Variants in MYO1F observed in about 807,000 individuals in gnomAD.
The protein encoded by MYO1F is unconventional myosin-If.
Under a neutral mutation model 146.6 loss-of-function variants are expected in MYO1F, and 60 were observed. The observed-to-expected ratio is 0.41, with a 90% CI of 0.33 to 0.51. The LOEUF is 0.51. MYO1F is among the 20% of genes least tolerant of loss of function. The pLI, the probability that MYO1F is intolerant of heterozygous loss-of-function variation, is 0.25. For missense variants in MYO1F, 1,274 were observed against 1,534.3 expected (o/e 0.83, Z 2.83); for synonymous variants, 602 against 602.1 (o/e 1.00, Z 0.00).
intron 1 of MYO1F, among the ~76,000 whole-genome samples, chr19:8,573,377 G>A (rs1302360921): frequency 3.3e-5 from 5 of 151,552 alleles, no homozygotes; most frequent in Non-Finnish European, 7.4e-5. Context: ...AAGGCAACCA[G>A]TGAACGTCTT....
chr19:8,548,533 A>G (rs1257677542), intron 10 of MYO1F, among the ~76,000 whole-genome samples: 1 of 151,678 alleles, frequency 6.6e-6, no homozygotes, highest in African/African-American at 2.4e-5. Context: ...GTGTCAGTGT[A>G]TCAGGGTCCC....
chr19:8,550,626 G>C lies in MYO1F; in HGVS notation c.840C>G (p.Ile280Met), dbSNP rs1973564187. ...QQLVLQLVAG[I>M]LHLGNISFCE... ...AGAAACTGATGTTCCCCAGGTGCAA[G>C]ATCCCCGCCACGAGCTGCAGGACCA... Residue 280 changes from isoleucine to methionine, a missense_variant, in exon 9 of 28, where the codon ATC (isoleucine) becomes ATG (methionine). Physicochemically the swap from Ile to Met is conservative, Grantham distance 10 (BLOSUM62 1). Coordinates refer to ENST00000644032, the MANE Select transcript of MYO1F (RefSeq NM_012335.4). 6.2e-7 allele frequency: 1 copy of C among 1,614,010 alleles called. No individual in the cohort carries two copies. The highest frequency in any genetic ancestry group is 1.3e-5 in the African/African-American group (1 of 74,920).
chr19:8,564,566 C>T (rs1318495670), intron 1 of MYO1F, among the ~76,000 whole-genome samples: 3 of 151,876 alleles, frequency 2.0e-5, no homozygotes, highest in African/African-American at 7.3e-5. Flanking sequence ...GCAGGGGAGG[C>T]CCAGATGGGA....
Position 8,553,894 on chromosome 19 carries a change from A to ACACACTCTCTCTCTCT in MYO1F, c.327-458_327-457insAGAGAGAGAGAGTGTG. On this transcript the variant is annotated intron_variant, in intron 4 of 27. Transcript: ENST00000644032. ...CACACACACACACACACACACACAC[A>ACACACTCTCTCTCTCT]CTCTCTCTCTCTCTCTCTCTCTCTC... 1.6e-3 allele frequency among the ~76,000 whole-genome samples: 163 copies of ACACACTCTCTCTCTCT among 102,654 alleles called. 2 individuals are homozygous for ACACACTCTCTCTCTCT. The highest frequency in any genetic ancestry group is 1.2e-3 in the Admixed American group (11 of 9,380). 67.3% of individuals were successfully genotyped at this position (102,654 alleles called of 152,430 possible). A position where few individuals can be genotyped will look rare whatever the true frequency, so the allele number is the denominator to read the frequency against.
At chr19:8,556,609 C>T (rs986493837) in intron 1 of MYO1F, among the ~76,000 whole-genome samples, 4 of 151,886 alleles carry the variant, frequency 2.6e-5, no homozygotes, top group African/African-American at 9.7e-5. Flanking sequence ...AATCTGGGGC[C>T]GGGCACAGTG....
Position 8,525,459 on chromosome 19 carries a change from C to G in MYO1F, c.2854+20G>C. The G allele has an allele frequency of 6.2e-7, 1 of 1,607,440 alleles. No individual in the cohort carries two copies. The highest frequency in any genetic ancestry group is 8.5e-7 in the Non-Finnish European group (1 of 1,175,076). On this transcript the variant is annotated intron_variant, in intron 25 of 27. Transcript: ENST00000644032. ...ACCCACAACAGACAAGGGAATATAG[C>G]AAGGGACGCAGCTCCTCACCTCTGG...
In MYO1F at chr19:8,530,950, A is replaced by T. The variant is rs1431405266; in HGVS notation, c.2044-377T>A. 6.6e-6 allele frequency among the ~76,000 whole-genome samples: 1 copy of T among 152,190 alleles called. No individual in the cohort carries two copies. The highest frequency in any genetic ancestry group is 2.4e-5 in the African/African-American group (1 of 41,460). ...TCCCAGCTACTCGGGAGCCTGAGGCAGGAGAATCACTTGAACCCGGGAGGC... is the reference window on the plus strand; with the variant it reads ...TCCCAGCTACTCGGGAGCCTGAGGCTGGAGAATCACTTGAACCCGGGAGGC... On this transcript the variant is annotated intron_variant, in intron 19 of 27. Coordinates refer to ENST00000644032, the MANE Select transcript of MYO1F (RefSeq NM_012335.4). The surrounding 1 kb of genome is among the most constrained non-coding windows in gnomAD (Gnocchi z 5.8).
At chr19:8,525,667 G>A (rs1972237329) in intron 24 of MYO1F, 105 bp from the exon 25 acceptor site, 2 of 945,552 alleles carry the variant, frequency 2.1e-6, no homozygotes, top group African/African-American at 1.6e-5. Flanking sequence ...GCCCCCTCAG[G>A]CTCTCCCATT....
chr19:8,556,131 C>A (rs1973844012), intron 1 of MYO1F, among the ~76,000 whole-genome samples: 1 of 151,548 alleles, frequency 6.6e-6, no homozygotes, highest in African/African-American at 2.4e-5. Context: ...CGGGTTCAAG[C>A]GATTCTCCTG....
At chr19:8,540,124 A>G in intron 15 of MYO1F, 96 bp from the exon 16 acceptor site, 1 of 899,750 alleles carries the variant, frequency 1.1e-6, no homozygotes, top group South Asian at 1.6e-5. Flanking sequence ...CGCAACGCAA[A>G]ATATGGTTCT....
In MYO1F at chr19:8,536,385, A is replaced by G. The variant is rs1219580903; in HGVS notation, c.1910T>C (p.Leu637Pro). ...FAKFLQRYAI[L>P]TPETWPRWRG... Reference sequence around the variant, plus strand: ...CCACCGCGGCCACGTCTCGGGGGTCAGAATGGCATACCTGAGGGCGGAGGG... The same window carrying G: ...CCACCGCGGCCACGTCTCGGGGGTCGGAATGGCATACCTGAGGGCGGAGGG... Residue 637 changes from leucine (L) to proline (P), a missense_variant, in exon 19 of 28, where the codon CTG (leucine) becomes CCG (proline). Leu to Pro is a moderately conservative substitution (Grantham distance 98, BLOSUM62 -3). Around this residue, in one of 2 missense-constraint regions of MYO1F, gnomAD observed 900 missense variants for 1,155.1 expected, o/e 0.78. Transcript: ENST00000644032. 1.9e-6 allele frequency: 3 copies of G among 1,605,530 alleles called. No individual in the cohort carries two copies. Among genetic ancestry groups the G allele is most frequent in the Non-Finnish European group, 2.5e-6 (3 of 1,179,580 alleles).
At chr19:8,567,142 A>G (rs2042020170) in intron 1 of MYO1F, among the ~76,000 whole-genome samples, 1 of 150,280 alleles carries the variant, frequency 6.7e-6, no homozygotes, top group Non-Finnish European at 1.5e-5. Context: ...GCTTACTGCA[A>G]CCTCCGTCTC....
intron 10 of MYO1F, chr19:8,549,943 C>T (rs1404143258): frequency 1.6e-6 from 1 of 622,448 alleles, no homozygotes; most frequent in African/African-American, 1.8e-5. Flanking sequence ...CAGAACTACA[C>T]ATGCACACCA....
chr19:8,525,293 T>C (rs765342955), intron 25 of MYO1F, 186 bp downstream of exon 25: 7 of 595,532 alleles, frequency 1.2e-5, no homozygotes, highest in Non-Finnish European at 2.1e-5. Flanking sequence ...GGTTTGGGTT[T>C]TGAAGGGCTC....
In MYO1F at chr19:8,531,951, C is replaced by A. The variant is rs191436386; in HGVS notation, c.2044-1378G>T. Among the ~76,000 whole-genome samples, 292 of 152,210 alleles carry A rather than the reference C, an allele frequency of 1.9e-3. 1 individual carries two copies. Among genetic ancestry groups the A allele is most frequent in the Non-Finnish European group, 2.7e-3 (187 of 68,002 alleles). ...TGGCCAACATGGTGAAACCCCGTCT[C>A]TACTAATAATACAAAAGTTAGCCGG... On this transcript the variant is annotated intron_variant, in intron 19 of 27. Coordinates refer to ENST00000644032, the MANE Select transcript of MYO1F (RefSeq NM_012335.4).
At chr19:8,531,052 C>T (rs531321104) in intron 19 of MYO1F, among the ~76,000 whole-genome samples, 44 of 146,810 alleles carry the variant, frequency 3.0e-4, no homozygotes, top group African/African-American at 1.1e-3. Context: ...CTCAAAAAGA[C>T]AAAAAACAAA....
Position 8,541,652 on chromosome 19 carries a change from C to T in MYO1F, c.1610+254G>A, listed in dbSNP as rs1972976139. On this transcript the variant is annotated intron_variant, in intron 15 of 27. Transcript: ENST00000644032. ...CCATGTTGCCCAGGCTGGTCTCAAA[C>T]TCTTGGCCTCAAGAGATTTGTCCAC... 1.2e-5 allele frequency: 6 copies of T among 509,850 alleles called. No homozygotes were observed. In the Admixed American group the frequency reaches 1.9e-4, roughly 16 times the overall value. The allele number at this position is 509,850 out of a possible 1,614,324, so 31.6% of individuals were successfully genotyped here.
At chr19:8,528,728 A>C (rs1972365711) in intron 21 of MYO1F, among the ~76,000 whole-genome samples, 1 of 152,152 alleles carries the variant, frequency 6.6e-6, no homozygotes, top group Non-Finnish European at 1.5e-5. Flanking sequence ...GACCAGGTGA[A>C]AGTACTTGGG....
At chr19:8,553,521 C>T in intron 4 of MYO1F, 84 bp from the exon 5 acceptor site, 2 of 1,076,716 alleles carry the variant, frequency 1.9e-6, no homozygotes, top group Non-Finnish European at 2.9e-6. Context: ...TGAGCACCTA[C>T]TGTGTGCCTG....
Sources: gnomAD v4.1 joint callset for allele counts (sites outside exome capture counted in the v4.1 genomes callset) on GRCh38, gnomAD v4.1.1 for gene constraint, gnomAD v4.1.1 regional missense constraint, Gnocchi (gnomAD v3.1) non-coding constraint, MANE v1.5 for transcripts, NCBI Gene and HGNC (gene_info 2026-07-23, HGNC 2026-07-21) for gene names.